ZNF107: variants seen among roughly 807,000 people sequenced by gnomAD.
ZNF107 encodes zinc finger protein 107.
In ZNF107, 19 loss-of-function variants were observed where a neutral mutation model predicts 12.3. That is an observed-to-expected ratio of 1.55 (90% confidence interval 1.08 to 2.27). The LOEUF is 2.27. ZNF107 is among the 30% of genes most tolerant of loss of function. The pLI is 0.00. For synonymous variants in ZNF107, 317 were observed against 330.5 expected, an observed-to-expected ratio of 0.96 and a Z score of 0.44; for missense variants, 958 against 979.9, an observed-to-expected ratio of 0.98 and a Z score of 0.30.
intron 2 of ZNF107, 63 bp from the exon 3 acceptor site, chr7:64,691,802 C>A: frequency 1.1e-6 from 1 of 941,974 alleles, no homozygotes; most frequent in Non-Finnish European, 1.4e-6. Flanking sequence ...GAGCACCTTA[C>A]TGGATTAGTA....
At chr7:64,697,836 C>T (rs1790344066) in intron 3 of ZNF107, among the ~76,000 whole-genome samples, 1 of 152,024 alleles carries the variant, frequency 6.6e-6, no homozygotes, top group Non-Finnish European at 1.5e-5. Flanking sequence ...GGACTACATG[C>T]GCCCGCCACC....
chr7:64,701,045 ATTG>A (rs1463839188), intron 3 of ZNF107, among the ~76,000 whole-genome samples: 1 of 152,138 alleles, frequency 6.6e-6, no homozygotes, highest in Non-Finnish European at 1.5e-5. Flanking sequence ...TTGAAGCCCT[ATTG>A]TTATATATAC....
chr7:64,692,085 C>T (rs1260645026), intron 3 of ZNF107, 125 bp downstream of exon 3: 2 of 625,608 alleles, frequency 3.2e-6, no homozygotes, highest in Non-Finnish European at 4.6e-6. Context: ...TCTGGAAAGC[C>T]TGAGTTTTTT....
intron 3 of ZNF107, among the ~76,000 whole-genome samples, chr7:64,696,273 G>A (rs1018370892): frequency 5.9e-5 from 9 of 151,914 alleles, no homozygotes; most frequent in South Asian, 2.1e-4. Flanking sequence ...GGCTGGTCTC[G>A]AACTCCTGAC....
At chr7:64,691,503 C>T in intron 2 of ZNF107, 129 bp downstream of exon 2, 3 of 861,840 alleles carry the variant, frequency 3.5e-6, no homozygotes, top group Non-Finnish European at 4.6e-6. Flanking sequence ...CAAGAAAATC[C>T]TTGAGATTTC....
At chr7:64,703,683 C>T (rs1327924390) in intron 3 of ZNF107, among the ~76,000 whole-genome samples, 3 of 152,130 alleles carry the variant, frequency 2.0e-5, no homozygotes, top group African/African-American at 7.2e-5. Flanking sequence ...CCTGCCTCAG[C>T]CTCGCAAAGT....
chr7:64,692,093 T>G (rs1428055760), intron 3 of ZNF107, 133 bp downstream of exon 3: 13 of 537,318 alleles, frequency 2.4e-5, no homozygotes, highest in Non-Finnish European at 3.6e-5. Context: ...GCCTGAGTTT[T>G]TTTTTCTTTT....
In ZNF107 at chr7:64,709,144, C is replaced by G. The variant is rs1790802820; in HGVS notation, c.*488C>G. 1 of 461,788 alleles carries G rather than the reference C, an allele frequency of 2.2e-6. No homozygotes were observed. The highest frequency in any genetic ancestry group is 1.7e-5 in the South Asian group (1 of 60,046). 28.6% of individuals were successfully genotyped at this position (461,788 alleles called of 1,614,324 possible). On this transcript the variant is annotated 3_prime_UTR_variant, in exon 4 of 4. Coordinates refer to ENST00000620827, the MANE Select transcript of ZNF107 (RefSeq NM_001282359.2). ...AAGCCTACAATTGTGAAGAATGTGG[C>G]AAAGCTTTTAACCTTCCTTAACCCT...
Position 64,707,285 on chromosome 7 carries a change from C to G in ZNF107, c.1188C>G (p.Pro396=), listed in dbSNP as rs200503667. The G allele has an allele frequency of 1.9e-6, 3 of 1,612,916 alleles. No homozygotes were observed. The East Asian group carries it at 6.7e-5, about 36-fold the overall frequency. Residue 396 remains proline (P), a synonymous_variant, in exon 4 of 4, where the codon CCC becomes CCG. Transcript: ENST00000620827. ...AGAAAATTCTAATGGAAGAGAAACC[C>G]TACAAATGTGAAGAATGTGGCAAAG... ...AHKKILMEEK[P]YKCEECGKVF... is the part of the protein sequence containing the mutation.
At chr7:64,692,005 G>C in intron 3 of ZNF107, 45 bp downstream of exon 3, 3 of 1,261,686 alleles carry the variant, frequency 2.4e-6, no homozygotes, top group Non-Finnish European at 3.2e-6. Context: ...AAAGATGAAA[G>C]GTCAAAGGTC....
intron 1 of ZNF107, among the ~76,000 whole-genome samples, chr7:64,684,246 C>A (rs1328140779): frequency 6.6e-6 from 1 of 152,184 alleles, no homozygotes; most frequent in African/African-American, 2.4e-5. Context: ...TACTTTTCTA[C>A]TGGGGCCCAA....
At chr7:64,681,770 C>A (rs1014754373) in intron 1 of ZNF107, among the ~76,000 whole-genome samples, 1 of 152,188 alleles carries the variant, frequency 6.6e-6, no homozygotes, top group Non-Finnish European at 1.5e-5. Flanking sequence ...AAAAACCAGA[C>A]AAGTCCTACA....
At chr7:64,698,425 C>CT (rs889015014) in intron 3 of ZNF107, among the ~76,000 whole-genome samples, 325 of 145,106 alleles carry the variant, frequency 2.2e-3, no homozygotes, top group South Asian at 5.9e-3. Flanking sequence ...TTGAATTTTT[C>CT]TTTTTTTTTT....
rs73136799 is a variant in ZNF107, at chr7:64,692,929, T to C, written c.226+969T>C. 3.5e-3 allele frequency among the ~76,000 whole-genome samples: 538 copies of C among 152,166 alleles called. 2 individuals are homozygous for C. The highest frequency in any genetic ancestry group is 5.5e-3 in the Non-Finnish European group (377 of 68,010). ...GTTTATGGTTTTGTATGTGTAAGAG[T>C]ATATGATCTGCAACCAGCAACTTTT... On this transcript the variant is annotated intron_variant, in intron 3 of 3. Coordinates refer to ENST00000620827, the MANE Select transcript of ZNF107 (RefSeq NM_001282359.2).
Position 64,708,558 on chromosome 7 carries a change from G to C in ZNF107, c.2461G>C (p.Asp821His). Residue 821 changes from aspartate (D) to histidine (H), a missense_variant, in exon 4 of 4, where the codon GAT becomes CAT. Transcript: ENST00000620827. Reference sequence around the variant, plus strand: ...TGGAGAGAAACCCTACAAATGTGGAGATTATGGCAGAGCTTTCAACCTATC... The same window carrying C: ...TGGAGAGAAACCCTACAAATGTGGACATTATGGCAGAGCTTTCAACCTATC... ...HTGEKPYKCG[D>H]YGRAFNLSSN... 1 of 1,612,662 alleles carries C rather than the reference G, an allele frequency of 6.2e-7. No individual in the cohort carries two copies.
chr7:64,698,596 T>G (rs1790370912), intron 3 of ZNF107, among the ~76,000 whole-genome samples: 1 of 152,036 alleles, frequency 6.6e-6, no homozygotes, highest in Non-Finnish European at 1.5e-5. Context: ...TAATTTTGTA[T>G]TTTTGGTAGA....
chr7:64,703,914 T>C (rs922205910), intron 3 of ZNF107, among the ~76,000 whole-genome samples: 29 of 151,912 alleles, frequency 1.9e-4, no homozygotes, highest in Non-Finnish European at 4.1e-4. Context: ...TATGCTTTTC[T>C]TTCTTATTTG....
chr7:64,687,343 A>C, intron 1 of ZNF107: 1 of 985,376 alleles, frequency 1.0e-6, no homozygotes. Context: ...ACCCATTCCC[A>C]TTATTGTGAA....
rs377316094 is a variant in ZNF107 at position 64,707,400 on chromosome 7, A to G, written c.1303A>G (p.Asn435Asp). 9.3e-6 allele frequency: 15 copies of G among 1,613,358 alleles called. No homozygotes were observed. The African/African-American group carries it at 2.0e-4, about 22-fold the overall frequency. The change falls in exon 4 of 4, where the codon AAC becomes GAC. Residue 435 changes from asparagine (N) to aspartate (D), a missense_variant. Coordinates refer to ENST00000620827, the MANE Select transcript of ZNF107 (RefSeq NM_001282359.2). ...ATGTAAAGAATGTGGCAAAGCTTTT[A>G]ACCAATCTTCAAACCTTACTGAACA... The part of the protein sequence containing the change: ...YKCKECGKAF[N>D]QSSNLTEHKK...
Sources: allele counts gnomAD v4.1 joint callset (sites outside exome capture counted in the v4.1 genomes callset), GRCh38; gene constraint gnomAD v4.1.1; transcripts MANE v1.5; gene names NCBI Gene and HGNC (gene_info 2026-07-23, HGNC 2026-07-21).